UQCC2: variants seen among roughly 807,000 people sequenced by gnomAD.
The protein encoded by UQCC2 is breast cancer-associated protein SGA-81M.
A neutral mutation model predicts 19.9 loss-of-function variants in UQCC2; 21 were observed. That is an observed-to-expected ratio of 1.05 (90% CI 0.75 to 1.52). The LOEUF is 1.52. Ranked by LOEUF, UQCC2 falls within the 40% of genes most tolerant of loss-of-function variation. The pLI is 0.00. For synonymous variants in UQCC2, 57 were observed against 60.9 expected (o/e 0.94, Z 0.30); for missense variants, 135 against 157.5 (o/e 0.86, Z 0.76).
intron 1 of UQCC2, among the ~76,000 whole-genome samples, chr6:33,706,379 G>T (rs7770465): frequency 3.3e-5 from 5 of 152,200 alleles, no homozygotes; most frequent in African/African-American, 7.2e-5. Flanking sequence ...ACTAGGGGAC[G>T]GTGAGGGGCC....
At position 33,696,953 on chromosome 6, in the gene UQCC2, T is replaced by C. The variant is rs754404; in HGVS notation, c.*700A>G. Reference sequence around the variant, plus strand: ...TAAGAGCCAAGGTTCCATGGAATAATGAGGTGACCCTGTGTGTGTCCTCAG... The same window carrying C: ...TAAGAGCCAAGGTTCCATGGAATAACGAGGTGACCCTGTGTGTGTCCTCAG... On this transcript the variant is annotated 3_prime_UTR_variant, in exon 4 of 4. Transcript: ENST00000607484. 0.47 allele frequency: 71,733 copies of C among 152,202 alleles called. 18,442 individuals carry two copies. The highest frequency in any genetic ancestry group is 0.9 in the East Asian group (4,668 of 5,176). The allele number at this position is 152,202 out of a possible 1,614,324, so 9.4% of individuals were successfully genotyped here.
At chr6:33,710,333 C>A (rs573550424) in intron 1 of UQCC2, among the ~76,000 whole-genome samples, 1 of 152,336 alleles carries the variant, frequency 6.6e-6, no homozygotes, top group Non-Finnish European at 1.5e-5. Context: ...AGTCCCCTCA[C>A]TAAACATCCC....
At chr6:33,700,537 G>A (rs780216462) in intron 2 of UQCC2, 24 bp from the exon 3 acceptor site, 1 of 1,612,684 alleles carries the variant, frequency 6.2e-7, no homozygotes, top group African/African-American at 1.3e-5. Context: ...CAGAAAGGAA[G>A]TGAAGGGAGG....
intron 1 of UQCC2, among the ~76,000 whole-genome samples, chr6:33,705,720 T>C (rs936512019): frequency 6.6e-6 from 1 of 152,212 alleles, no homozygotes; most frequent in African/African-American, 2.4e-5. Context: ...TTACACTTTA[T>C]TCACAGACTC....
chr6:33,700,451 C>G lies in UQCC2; in HGVS notation c.276G>C (p.Leu92=). 6.2e-7 allele frequency: 1 copy of G among 1,614,084 alleles called. No individual in the cohort carries two copies. The highest frequency in any genetic ancestry group is 8.5e-7 in the Non-Finnish European group (1 of 1,179,996). Residue 92 remains leucine, a synonymous_variant, in exon 3 of 4, where the codon CTG becomes CTC. Coordinates refer to ENST00000607484, the MANE Select transcript of UQCC2 (RefSeq NM_032340.4). ...CAGCTGTGCTTTCATTACCTGTGGA[C>G]AGGATCAGCTTGTACTCTTCCAACG... ...GLSLEEYKLI[L]STDTLEELKE... is the part of the protein sequence containing the mutation.
intron 1 of UQCC2, among the ~76,000 whole-genome samples, chr6:33,706,649 C>T (rs1032619386): frequency 6.6e-6 from 1 of 152,134 alleles, no homozygotes; most frequent in Non-Finnish European, 1.5e-5. Context: ...GCATGAGTGA[C>T]ACAGGGACCA....
intron 2 of UQCC2, among the ~76,000 whole-genome samples, 167 bp from the exon 3 acceptor site, chr6:33,700,680 T>C (rs991317576): frequency 6.6e-6 from 1 of 152,096 alleles, no homozygotes; most frequent in African/African-American, 2.4e-5. Flanking sequence ...CAAGAACCAG[T>C]ACAGTCTCCA....
rs1765568862 is a variant in UQCC2 at position 33,697,010 on chromosome 6, A to C, written c.*643T>G. On this transcript the variant is annotated 3_prime_UTR_variant, in exon 4 of 4. Coordinates refer to ENST00000607484, the MANE Select transcript of UQCC2 (RefSeq NM_032340.4). ...GGGCCTCTGACTTGTGGCCACCTAC[A>C]GAACCTGCCCACAGTGCTGAAGCCA... 1 of 152,342 alleles carries C rather than the reference A, an allele frequency of 6.6e-6. No individual in the cohort carries two copies. Among genetic ancestry groups the C allele is most frequent in the South Asian group, 2.1e-4 (1 of 4,838 alleles). The allele number at this position is 152,342 out of a possible 1,614,324, so 9.4% of individuals were successfully genotyped here.
chr6:33,699,349 G>A lies in UQCC2; in HGVS notation c.283+1095C>T, dbSNP rs1285136396. ...ATGGCGGGACTATCTCCCAGCCTTC[G>A]TTGCTGCCTGTTTTCCACTTGCAGA... On this transcript the variant is annotated intron_variant, in intron 3 of 3. Coordinates refer to ENST00000607484, the MANE Select transcript of UQCC2 (RefSeq NM_032340.4). Among the ~76,000 whole-genome samples the A allele has an allele frequency of 2.6e-5, 4 of 152,134 alleles. No individual in the cohort carries two copies. In the East Asian group the frequency reaches 5.8e-4, roughly 22 times the overall value.
intron 3 of UQCC2, among the ~76,000 whole-genome samples, chr6:33,699,317 C>T (rs1028245646): frequency 1.1e-4 from 17 of 152,340 alleles, no homozygotes; most frequent in African/African-American, 2.4e-4. Flanking sequence ...AGCTGCAGCG[C>T]GGACCAATGG....
intron 1 of UQCC2, among the ~76,000 whole-genome samples, chr6:33,706,517 G>T (rs560478175): frequency 6.6e-6 from 1 of 152,200 alleles, no homozygotes; most frequent in African/African-American, 2.4e-5. Flanking sequence ...TGCGGAGCAC[G>T]GGCCGCTGCA....
chr6:33,711,226 CAGG>C (rs955639322), intron 1 of UQCC2, among the ~76,000 whole-genome samples: 17 of 152,118 alleles, frequency 1.1e-4, no homozygotes, highest in African/African-American at 3.9e-4. Flanking sequence ...CTATGTTGCC[CAGG>C]AGGTCATCCT....
chr6:33,701,881 CA>C (rs143061859), intron 1 of UQCC2, among the ~76,000 whole-genome samples: 3,456 of 147,302 alleles, frequency 0.023, 108 homozygotes, highest in African/African-American at 0.083. Flanking sequence ...GGAAGCACAG[CA>C]GAAGGTCAGC....
In UQCC2 at chr6:33,711,568, C is replaced by A; in HGVS notation, c.119G>T (p.Arg40Leu). The change falls in exon 1 of 4, where the codon CGG (arginine) becomes CTG (leucine). Residue 40 changes from arginine to leucine, a missense_variant. Transcript: ENST00000607484. ...YLRQRVAQAF[R>L]EGENTQVAEP... ...GGTCACCTGGGTATTCTCTCCCTCC[C>A]GAAAGGCCTGTGCTACCCGCTGTCG... 1.2e-6 allele frequency: 2 copies of A among 1,610,764 alleles called. No homozygotes were observed. Among genetic ancestry groups the A allele is most frequent in the Non-Finnish European group, 1.7e-6 (2 of 1,178,890 alleles).
chr6:33,709,888 C>T (rs1235258619), intron 1 of UQCC2, among the ~76,000 whole-genome samples: 1 of 152,204 alleles, frequency 6.6e-6, no homozygotes, highest in Non-Finnish European at 1.5e-5. Flanking sequence ...TTGCCCGAGC[C>T]CCAGGCTCAA....
rs80107194 is a variant in UQCC2, at chr6:33,706,449, A to G, written c.139-5029T>C. ...CTGGCAGGCACACTACAGAGACAAG[A>G]TACACATGAATTAGAAACCAACCCT... is the stretch of plus-strand genomic sequence containing the variant. On this transcript the variant is annotated intron_variant, in intron 1 of 3. Coordinates refer to ENST00000607484, the MANE Select transcript of UQCC2 (RefSeq NM_032340.4). Among the ~76,000 whole-genome samples, 930 of 152,314 alleles carry G rather than the reference A, an allele frequency of 6.1e-3. 10 individuals are homozygous for G. Among genetic ancestry groups the G allele is most frequent in the South Asian group, 0.035 (167 of 4,822 alleles).
intron 1 of UQCC2, 94 bp downstream of exon 1, chr6:33,711,455 G>A: frequency 1.4e-6 from 2 of 1,464,222 alleles, no homozygotes; most frequent in African/African-American, 1.4e-5. Context: ...AAGAGGGCGC[G>A]CGCATGCGCA....
chr6:33,702,943 T>C (rs546658343), intron 1 of UQCC2, among the ~76,000 whole-genome samples: 1 of 152,322 alleles, frequency 6.6e-6, no homozygotes, highest in African/African-American at 2.4e-5. Context: ...ACCTGACCCA[T>C]TCCTGCGTTC....
intron 1 of UQCC2, among the ~76,000 whole-genome samples, chr6:33,706,592 G>A (rs895588623): frequency 6.6e-6 from 1 of 152,242 alleles, no homozygotes; most frequent in Non-Finnish European, 1.5e-5. Context: ...GGAAAGGGCT[G>A]AGTTTCACTG....
Sources: allele counts gnomAD v4.1 joint callset (sites outside exome capture counted in the v4.1 genomes callset), GRCh38; gene constraint gnomAD v4.1.1; transcripts MANE v1.5; gene names NCBI Gene and HGNC (gene_info 2026-07-23, HGNC 2026-07-21).